The following SPOCK3 variants were observed in gnomAD, a reference collection of about 807,000 sequenced individuals.
SPOCK3 encodes SPARC (osteonectin), cwcv and kazal like domains proteoglycan 3.
SPOCK3 carries 30 observed loss-of-function variants against 56.6 expected under a neutral mutation model. That is an observed-to-expected ratio of 0.53 (90% CI 0.40 to 0.72). SPOCK3 has a LOEUF of 0.72. Among genes scored for constraint, SPOCK3 ranks in the 30% least tolerant of loss-of-function variants. SPOCK3 has a pLI of 0.00. For missense variants in SPOCK3, 527 were observed against 530.0 expected (o/e 0.99, Z 0.06); for synonymous variants, 196 against 183.3 (o/e 1.07, Z -0.56).
At chr4:167,022,085 T>C (rs1751241319) in intron 3 of SPOCK3, among the ~76,000 whole-genome samples, 3 of 151,976 alleles carry the variant, frequency 2.0e-5, no homozygotes, top group South Asian at 2.1e-4. Flanking sequence ...CACAGTGTGA[T>C]ACCCGAACGT....
intron 7 of SPOCK3, among the ~76,000 whole-genome samples, chr4:166,768,305 A>C (rs937560918): frequency 6.6e-6 from 1 of 152,138 alleles, no homozygotes; most frequent in Non-Finnish European, 1.5e-5. Flanking sequence ...ACAATTTGTC[A>C]TGTTTTTGCA....
chr4:166,962,032 G>A (rs1224744612), intron 4 of SPOCK3, among the ~76,000 whole-genome samples: 1 of 152,018 alleles, frequency 6.6e-6, no homozygotes, highest in Non-Finnish European at 1.5e-5. Flanking sequence ...TGGATTCCCT[G>A]CTGTCCCCCT....
chr4:166,813,828 T>C (rs547127689), intron 6 of SPOCK3, among the ~76,000 whole-genome samples: 1 of 152,076 alleles, frequency 6.6e-6, no homozygotes, highest in South Asian at 2.1e-4. Flanking sequence ...TACAAATAAA[T>C]AAACTGATAC....
chr4:167,153,346 G>T (rs772153585), intron 2 of SPOCK3, among the ~76,000 whole-genome samples: 3 of 152,178 alleles, frequency 2.0e-5, no homozygotes, highest in Non-Finnish European at 4.4e-5. Context: ...GTAAAGCAGA[G>T]CAGCTTTTGG....
intron 8 of SPOCK3, among the ~76,000 whole-genome samples, chr4:166,742,938 A>C (rs866386174): frequency 9.2e-5 from 14 of 152,146 alleles, no homozygotes; most frequent in African/African-American, 3.4e-4. Context: ...ATTTTCAAAA[A>C]ATAAAAATCT....
intron 2 of SPOCK3, among the ~76,000 whole-genome samples, chr4:167,205,509 TAATA>T (rs1407254350): frequency 1.8e-5 from 1 of 55,094 alleles, no homozygotes; most frequent in African/African-American, 8.1e-5. Context: ...ATATATTATA[TAATA>T]TATATTATAT....
At chr4:167,023,700 A>G (rs973908128) in intron 3 of SPOCK3, among the ~76,000 whole-genome samples, 4 of 151,982 alleles carry the variant, frequency 2.6e-5, no homozygotes, top group Non-Finnish European at 5.9e-5. Context: ...TTCTGTAAAG[A>G]TATGACAAAA....
chr4:167,163,776 C>T (rs1765523633), intron 2 of SPOCK3, among the ~76,000 whole-genome samples: 1 of 152,056 alleles, frequency 6.6e-6, no homozygotes. Flanking sequence ...TTTTCCTAAT[C>T]AGCAAATTAG....
chr4:166,868,010 G>A (rs1036466071), intron 6 of SPOCK3, among the ~76,000 whole-genome samples: 1 of 151,906 alleles, frequency 6.6e-6, no homozygotes, highest in African/African-American at 2.4e-5. Flanking sequence ...TTAAAAATAA[G>A]TTTTGAGAAT....
At chr4:166,770,875 GAC>G (rs1738848315) in intron 7 of SPOCK3, among the ~76,000 whole-genome samples, 1 of 151,862 alleles carries the variant, frequency 6.6e-6, no homozygotes, top group African/African-American at 2.4e-5. Flanking sequence ...AGACAAATTA[GAC>G]ACCAGAAATT....
chr4:167,190,214 C>T (rs1732360114), intron 2 of SPOCK3, among the ~76,000 whole-genome samples: 1 of 145,852 alleles, frequency 6.9e-6, no homozygotes, highest in Non-Finnish European at 1.5e-5. Flanking sequence ...GCCATGATGG[C>T]TGTATTAATT....
intron 2 of SPOCK3, among the ~76,000 whole-genome samples, chr4:167,230,389 G>T (rs1737035324): frequency 6.6e-6 from 1 of 150,674 alleles, no homozygotes; most frequent in African/African-American, 2.4e-5. Flanking sequence ...ACAAGAATGG[G>T]ATGAATGAAT....
chr4:166,737,399 T>C, intron 10 of SPOCK3, 68 bp downstream of exon 10: 13 of 1,498,656 alleles, frequency 8.7e-6, no homozygotes, highest in Non-Finnish European at 1.2e-5. Flanking sequence ...CTTGAACAAA[T>C]GAATGAGGCT....
chr4:167,028,125 T>A (rs939849274), intron 3 of SPOCK3, among the ~76,000 whole-genome samples: 9 of 151,988 alleles, frequency 5.9e-5, no homozygotes, highest in African/African-American at 1.7e-4. Context: ...GAGTAAAATT[T>A]TGTATCACTT....
chr4:167,214,710 T>C (rs1324842547), intron 2 of SPOCK3, among the ~76,000 whole-genome samples: 1 of 152,138 alleles, frequency 6.6e-6, no homozygotes, highest in Non-Finnish European at 1.5e-5. Context: ...GAATGAATCA[T>C]TTGAGTCTTA....
At chr4:166,753,055 C>T (rs1003300510) in intron 8 of SPOCK3, among the ~76,000 whole-genome samples, 1 of 151,866 alleles carries the variant, frequency 6.6e-6, no homozygotes, top group African/African-American at 2.4e-5. Context: ...TTAATCAATC[C>T]TGCAAATATT....
At chr4:167,110,874 C>A (rs926815902) in intron 2 of SPOCK3, among the ~76,000 whole-genome samples, 1 of 151,708 alleles carries the variant, frequency 6.6e-6, no homozygotes, top group Non-Finnish European at 1.5e-5. Flanking sequence ...ACAATGCTAC[C>A]ATATAATTTA....
intron 3 of SPOCK3, among the ~76,000 whole-genome samples, chr4:167,037,293 C>A (rs1752838417): frequency 6.6e-6 from 1 of 152,040 alleles, no homozygotes. Flanking sequence ...GCCATACCGG[C>A]CAACATGGTG....
chr4:166,902,114 G>A (rs548413393), intron 5 of SPOCK3, among the ~76,000 whole-genome samples: 14 of 152,038 alleles, frequency 9.2e-5, no homozygotes, highest in Admixed American at 3.3e-4. Flanking sequence ...GGACTTAGAA[G>A]GTATTTTCTT....
Sources: gnomAD v4.1 joint callset for allele counts (sites outside exome capture counted in the v4.1 genomes callset) on GRCh38, gnomAD v4.1.1 for gene constraint, MANE v1.5 for transcripts, NCBI Gene and HGNC (gene_info 2026-07-23, HGNC 2026-07-21) for gene names.